Variants in XNDC1N observed in about 807,000 individuals in gnomAD.
The protein encoded by XNDC1N is XRCC1 N-terminal domain containing 1, N-terminal like.
chr11:71,909,932 G>A, the XNDC1N span, among the ~76,000 whole-genome samples: 2 of 152,136 alleles, frequency 1.3e-5, no homozygotes, highest in Non-Finnish European at 2.9e-5. Flanking sequence ...GAGGAATGGA[G>A]ACTTTTCTTA....
At chr11:71,919,949 TTTTTTTTTTTTTTTTTTTTTG>T in the XNDC1N span, among the ~76,000 whole-genome samples, 5 of 89,912 alleles carry the variant, frequency 5.6e-5, no homozygotes, top group African/African-American at 2.7e-4. Context: ...TTTTTTTTTT[TTTTTTTTTTTTTTTTTTTTTG>T]AGACAGAGTC....
At chr11:71,875,011 A>T in the XNDC1N span, among the ~76,000 whole-genome samples, 1 of 152,212 alleles carries the variant, frequency 6.6e-6, no homozygotes, top group South Asian at 2.1e-4. Context: ...CACTTGGGTC[A>T]GGAGACCTAG....
the XNDC1N span, among the ~76,000 whole-genome samples, chr11:71,878,732 T>C: frequency 6.6e-6 from 1 of 152,014 alleles, no homozygotes; most frequent in Non-Finnish European, 1.5e-5. Flanking sequence ...CAGTGGCTCA[T>C]GTCTATAATC....
chr11:71,888,241 G>A, the XNDC1N span, among the ~76,000 whole-genome samples: 1 of 152,154 alleles, frequency 6.6e-6, no homozygotes, highest in African/African-American at 2.4e-5. Flanking sequence ...TATCCGACAG[G>A]GGTGGGAAGG....
the XNDC1N span, among the ~76,000 whole-genome samples, chr11:71,901,947 C>T: frequency 6.6e-6 from 1 of 151,308 alleles, no homozygotes; most frequent in East Asian, 1.9e-4. Flanking sequence ...GAAATATCCC[C>T]TGACCTGAAG....
the XNDC1N span, among the ~76,000 whole-genome samples, chr11:71,924,272 A>G: frequency 1.3e-5 from 2 of 152,088 alleles, no homozygotes; most frequent in Non-Finnish European, 2.9e-5. Context: ...CTAGCTACTC[A>G]GGTGACTAAG....
chr11:71,898,126 G>A, the XNDC1N span, among the ~76,000 whole-genome samples: 2 of 152,002 alleles, frequency 1.3e-5, no homozygotes, highest in Admixed American at 6.5e-5. Flanking sequence ...GGAGGTTGGA[G>A]TGAGCCCCGA....
the XNDC1N span, among the ~76,000 whole-genome samples, chr11:71,897,187 G>A: frequency 6.6e-6 from 1 of 152,172 alleles, no homozygotes; most frequent in Non-Finnish European, 1.5e-5. Context: ...TCTGGGATAT[G>A]ACACCAAAAG....
the XNDC1N span, among the ~76,000 whole-genome samples, chr11:71,898,643 A>G: frequency 6.6e-6 from 1 of 152,214 alleles, no homozygotes; most frequent in Non-Finnish European, 1.5e-5. Context: ...GATTCCATTT[A>G]TCTATTAAGT....
the XNDC1N span, chr11:71,903,084 G>A: frequency 7.2e-6 from 4 of 551,982 alleles, no homozygotes; most frequent in East Asian, 1.0e-4. Context: ...AACATTACTT[G>A]TGAATTGCTT....
At chr11:71,903,199 A>G in the XNDC1N span, 6 of 744,550 alleles carry the variant, frequency 8.1e-6, no homozygotes, top group Non-Finnish European at 1.5e-5. Context: ...ATACAGACCC[A>G]CAGAGTCTAA....
the XNDC1N span, chr11:71,923,369 T>C: frequency 1.4e-6 from 1 of 702,894 alleles, no homozygotes; most frequent in South Asian, 1.5e-5. Flanking sequence ...GCCCAGCAGC[T>C]GTTTCAAGTA....
the XNDC1N span, among the ~76,000 whole-genome samples, chr11:71,867,389 G>A: frequency 1.1e-4 from 16 of 152,290 alleles, no homozygotes; most frequent in South Asian, 1.9e-3. Context: ...TAGAGCCCAA[G>A]ACCAAGGAAA....
chr11:71,916,159 G>T, the XNDC1N span: 1 of 702,850 alleles, frequency 1.4e-6, no homozygotes, highest in Non-Finnish European at 2.6e-6. Context: ...CCGTAGAAAG[G>T]CCAGGCCAAA....
At chr11:71,896,709 A>G in the XNDC1N span, among the ~76,000 whole-genome samples, 1 of 152,214 alleles carries the variant, frequency 6.6e-6, no homozygotes, top group Non-Finnish European at 1.5e-5. Flanking sequence ...GATTACAGGC[A>G]TGCGCCAGCA....
the XNDC1N span, among the ~76,000 whole-genome samples, chr11:71,898,734 T>G: frequency 6.6e-6 from 1 of 151,948 alleles, no homozygotes; most frequent in Non-Finnish European, 1.5e-5. Flanking sequence ...GTGGAGAGCT[T>G]GGTGAATGGG....
the XNDC1N span, among the ~76,000 whole-genome samples, chr11:71,877,562 C>T: frequency 6.6e-6 from 1 of 152,176 alleles, no homozygotes; most frequent in South Asian, 2.1e-4. Context: ...CACTTGAACC[C>T]GGGAGGCAGA....
chr11:71,917,475 C>A, the XNDC1N span: 3 of 665,938 alleles, frequency 4.5e-6, no homozygotes, highest in Non-Finnish European at 8.2e-6. Flanking sequence ...TCCTTAACCA[C>A]CCTTTGCCCC....
At chr11:71,878,742 C>T in the XNDC1N span, among the ~76,000 whole-genome samples, 1 of 152,006 alleles carries the variant, frequency 6.6e-6, no homozygotes, top group Admixed American at 6.6e-5. Context: ...TGTCTATAAT[C>T]CCAGCATTTG....
Sources: allele counts gnomAD v4.1 joint callset (sites outside exome capture counted in the v4.1 genomes callset), GRCh38; gene constraint gnomAD v4.1.1; transcripts MANE v1.5; gene names NCBI Gene and HGNC (gene_info 2026-07-23, HGNC 2026-07-21).